Variants in PDGFC observed in about 807,000 individuals in gnomAD.
PDGFC encodes platelet-derived growth factor C.
Under a neutral mutation model 35.5 loss-of-function variants are expected in PDGFC, and 12 were observed. That is an observed-to-expected ratio of 0.34 (90% CI 0.22 to 0.55). PDGFC has a LOEUF of 0.55. Among genes scored for constraint, PDGFC ranks in the 20% least tolerant of loss-of-function variants. The probability of loss-of-function intolerance (pLI) is 0.91; values close to 1 mark genes in which losing one functional copy is unlikely to be tolerated. For missense variants in PDGFC, 322 were observed against 412.4 expected, an observed-to-expected ratio of 0.78 and a Z score of 1.90; for synonymous variants, 159 against 148.8, an observed-to-expected ratio of 1.07 and a Z score of -0.50.
At chr4:156,891,325 A>G (rs1287668867) in intron 1 of PDGFC, among the ~76,000 whole-genome samples, 14 of 126,948 alleles carry the variant, frequency 1.1e-4, no homozygotes, top group Admixed American at 7.7e-4. Context: ...AAAAAAAAAA[A>G]GGAAAAATAC....
chr4:156,872,781 G>T (rs934390148), intron 1 of PDGFC, among the ~76,000 whole-genome samples: 3 of 152,146 alleles, frequency 2.0e-5, no homozygotes, highest in African/African-American at 7.2e-5. Context: ...TTCTAGGATT[G>T]CTAGGAAATT....
chr4:156,770,096 T>C (rs573508509), intron 4 of PDGFC: 1 of 152,010 alleles, frequency 6.6e-6, no homozygotes, highest in Non-Finnish European at 1.5e-5. Flanking sequence ...TAGACAGATT[T>C]CCCAAGTGAA....
At chr4:156,868,227 T>G (rs1348306731) in intron 1 of PDGFC, among the ~76,000 whole-genome samples, 1 of 152,214 alleles carries the variant, frequency 6.6e-6, no homozygotes, top group Non-Finnish European at 1.5e-5. Context: ...ATCTGAAAGT[T>G]TTAGTGACAA....
chr4:156,809,911 C>T (rs780902435), intron 3 of PDGFC, among the ~76,000 whole-genome samples: 2 of 151,692 alleles, frequency 1.3e-5, no homozygotes, highest in African/African-American at 4.8e-5. Flanking sequence ...TCACAAAGAC[C>T]TGCTAGTATG....
chr4:156,819,564 T>C (rs1401417038), intron 2 of PDGFC, among the ~76,000 whole-genome samples: 1 of 152,200 alleles, frequency 6.6e-6, no homozygotes, highest in Non-Finnish European at 1.5e-5. Flanking sequence ...TTAAACGTAC[T>C]ACTGCTCAGA....
At chr4:156,825,584 T>TAAG (rs1371864016) in intron 2 of PDGFC, among the ~76,000 whole-genome samples, 995 of 89,862 alleles carry the variant, frequency 0.011, 7 homozygotes, top group Middle Eastern at 0.026. Flanking sequence ...ATAATAATAA[T>TAAG]AATAATAATA....
chr4:156,938,700 T>C (rs1731738443), intron 1 of PDGFC, among the ~76,000 whole-genome samples: 1 of 151,854 alleles, frequency 6.6e-6, no homozygotes, highest in Admixed American at 6.6e-5. Flanking sequence ...TGTAAGAAAA[T>C]ATTAAAAGTG....
At chr4:156,921,521 A>G (rs1731280820) in intron 1 of PDGFC, among the ~76,000 whole-genome samples, 1 of 151,954 alleles carries the variant, frequency 6.6e-6, no homozygotes, top group Non-Finnish European at 1.5e-5. Context: ...AAAGAAAAAA[A>G]AGAAAATTAG....
At position 156,827,429 on chromosome 4, in the gene PDGFC, AAT is replaced by A. The variant is rs1491032254; in HGVS notation, c.315-16414_315-16413del. The stretch of plus-strand genomic sequence containing the variant: ...GAGACTCCATCTCAAAAAAAAAAAA[AAT>A]AACAGATTGATACACTTGTACTTCG... On this transcript the variant is annotated intron_variant, in intron 2 of 5. Transcript: ENST00000502773. Among the ~76,000 whole-genome samples the A allele has an allele frequency of 2.0e-3, 291 of 145,306 alleles. 2 individuals carry two copies. Among genetic ancestry groups the A allele is most frequent in the African/African-American group, 7.9e-3 (279 of 35,140 alleles).
intron 1 of PDGFC, among the ~76,000 whole-genome samples, chr4:156,882,170 AAAC>A (rs1730259963): frequency 6.6e-6 from 1 of 152,160 alleles, no homozygotes. Context: ...TCCGCAACTA[AAAC>A]AATACATTGT....
chr4:156,870,300 C>T (rs1409257412), intron 1 of PDGFC, among the ~76,000 whole-genome samples: 1 of 151,960 alleles, frequency 6.6e-6, no homozygotes, highest in African/African-American at 2.4e-5. Context: ...CCTCTCCTTC[C>T]ACCTCTTACC....
chr4:156,960,540 ATAAAAG>A (rs1476177532), intron 1 of PDGFC, among the ~76,000 whole-genome samples: 1 of 151,644 alleles, frequency 6.6e-6, no homozygotes, highest in Non-Finnish European at 1.5e-5. Flanking sequence ...TTGTTTAGAA[ATAAAAG>A]TAAAGTCAAT....
chr4:156,950,242 C>G (rs1315825177), intron 1 of PDGFC, among the ~76,000 whole-genome samples: 1 of 151,894 alleles, frequency 6.6e-6, no homozygotes, highest in Non-Finnish European at 1.5e-5. Context: ...CCCCCTTTCC[C>G]TCCATTCCAG....
intron 2 of PDGFC, among the ~76,000 whole-genome samples, chr4:156,822,315 C>CCT (rs1560826383): frequency 2.1e-5 from 3 of 144,936 alleles, no homozygotes; most frequent in Non-Finnish European, 4.5e-5. Context: ...GCCGAGATTG[C>CCT]GCCACTGCAC....
intron 1 of PDGFC, among the ~76,000 whole-genome samples, chr4:156,923,202 C>T (rs376395321): frequency 7.2e-5 from 11 of 152,118 alleles, no homozygotes; most frequent in African/African-American, 2.7e-4. Context: ...GATCCCCTTA[C>T]AGCCACCCAG....
At chr4:156,781,797 A>G (rs1241008498) in intron 3 of PDGFC, among the ~76,000 whole-genome samples, 2 of 152,176 alleles carry the variant, frequency 1.3e-5, no homozygotes, top group African/African-American at 4.8e-5. Context: ...GATTCCACCT[A>G]CCTAGGAAAA....
At chr4:156,838,998 TG>T (rs1235843707) in intron 2 of PDGFC, among the ~76,000 whole-genome samples, 3 of 152,190 alleles carry the variant, frequency 2.0e-5, no homozygotes, top group African/African-American at 4.8e-5. Flanking sequence ...TGCTATTTAT[TG>T]GTGATCAAAC....
intron 1 of PDGFC, among the ~76,000 whole-genome samples, chr4:156,874,521 C>G (rs1730062433): frequency 6.6e-6 from 1 of 151,834 alleles, no homozygotes; most frequent in African/African-American, 2.4e-5. Flanking sequence ...TATGCTTTGC[C>G]AAGAATTTCT....
At position 156,970,817 on chromosome 4, in the gene PDGFC, T is replaced by C; in HGVS notation, c.87A>G (p.Lys29=). The change falls in exon 1 of 6, where the codon AAA becomes AAG. Residue 29 remains lysine (K), a synonymous_variant. Coordinates refer to ENST00000502773, the MANE Select transcript of PDGFC (RefSeq NM_016205.3). ...GTQAESNLSS[K]FQFSSNKEQN... is the part of the protein sequence containing the mutation. ...GTTCCTTGTTGCTGGAAAACTGGAA[T>C]TTACTACTCAGGTTGGATTCCGCCT... 1.2e-6 allele frequency: 2 copies of C among 1,612,842 alleles called. No homozygotes were observed. The highest frequency in any genetic ancestry group is 2.2e-5 in the South Asian group (2 of 91,058).
Sources: gnomAD v4.1 joint callset for allele counts (sites outside exome capture counted in the v4.1 genomes callset) on GRCh38, gnomAD v4.1.1 for gene constraint, MANE v1.5 for transcripts, NCBI Gene and HGNC (gene_info 2026-07-23, HGNC 2026-07-21) for gene names.